The following GABRA5 variants were observed in gnomAD, a reference collection of about 807,000 sequenced individuals.
GABRA5 encodes the protein gamma-aminobutyric acid receptor subunit alpha-5.
Under a neutral mutation model 47.3 loss-of-function variants are expected in GABRA5, and 18 were observed. That is an observed-to-expected ratio of 0.38 (90% CI 0.26 to 0.56). The LOEUF (loss-of-function observed/expected upper bound fraction) is 0.56. GABRA5 is among the 20% of genes least tolerant of loss of function. The probability of loss-of-function intolerance (pLI) is 0.71; values close to 1 mark genes in which losing one functional copy is unlikely to be tolerated. For synonymous variants in GABRA5, 237 were observed against 229.3 expected (o/e 1.03, Z -0.30); for missense variants, 365 against 599.3 (o/e 0.61, Z 4.08).
At chr15:26,914,283 C>T (rs1051676293) in intron 6 of GABRA5, among the ~76,000 whole-genome samples, 28 of 152,116 alleles carry the variant, frequency 1.8e-4, no homozygotes, top group East Asian at 1.4e-3. Flanking sequence ...AAAATTTGGG[C>T]GTGTAGGAAA....
intron 7 of GABRA5, among the ~76,000 whole-genome samples, chr15:26,923,582 A>T (rs1893890224): frequency 6.6e-6 from 1 of 151,918 alleles, no homozygotes; most frequent in Non-Finnish European, 1.5e-5. Flanking sequence ...TATGATATTT[A>T]TAGGTTTATT....
chr15:26,896,210 A>G (rs1411612968), intron 6 of GABRA5, among the ~76,000 whole-genome samples: 1 of 152,250 alleles, frequency 6.6e-6, no homozygotes, highest in Non-Finnish European at 1.5e-5. Context: ...CCAAAGAAAC[A>G]AACATTTATC....
chr15:26,903,775 C>A (rs575902786), intron 6 of GABRA5, among the ~76,000 whole-genome samples: 1 of 151,800 alleles, frequency 6.6e-6, no homozygotes, highest in Non-Finnish European at 1.5e-5. Context: ...TGTCTGTTCA[C>A]ATGCTTTGCT....
In GABRA5 at chr15:26,867,217, G is replaced by A. The variant is rs1396983447; in HGVS notation, c.-140+106G>A. ...GGAGCTGCAGGGCGGCGGCGGGAGC[G>A]CGGGGCGCAAGAGCCGCTCCGCCGG... is the stretch of plus-strand genomic sequence containing the variant. On this transcript the variant is annotated intron_variant, in intron 1 of 10. Transcript: ENST00000335625. This position sits in a 1 kb window ranked among gnomAD's most constrained non-coding sequence, Gnocchi z 5.9. 6.7e-6 allele frequency: 1 copy of A among 150,354 alleles called. No homozygotes were observed. The highest frequency in any genetic ancestry group is 1.5e-5 in the Non-Finnish European group (1 of 67,266). The allele number at this position is 150,354 out of a possible 1,614,324, so 9.3% of individuals were successfully genotyped here.
chr15:26,892,296 G>C (rs1469773846), intron 6 of GABRA5, among the ~76,000 whole-genome samples: 1 of 152,218 alleles, frequency 6.6e-6, no homozygotes, highest in African/African-American at 2.4e-5. Context: ...GTGGGTAGCC[G>C]GCTGTGAACG....
intron 6 of GABRA5, among the ~76,000 whole-genome samples, chr15:26,901,294 C>G (rs1031674882): frequency 6.6e-6 from 1 of 152,176 alleles, no homozygotes; most frequent in Non-Finnish European, 1.5e-5. Context: ...GAGCAAGTTT[C>G]TCTTGCTCCA....
At chr15:26,895,913 G>A (rs1177522561) in intron 6 of GABRA5, among the ~76,000 whole-genome samples, 2 of 151,922 alleles carry the variant, frequency 1.3e-5, no homozygotes, top group Non-Finnish European at 2.9e-5. Flanking sequence ...TTTAGCTCCT[G>A]TTGGCCATGC....
chr15:26,915,163 A>G (rs1311318111), intron 7 of GABRA5, among the ~76,000 whole-genome samples: 1 of 152,204 alleles, frequency 6.6e-6, no homozygotes, highest in Non-Finnish European at 1.5e-5. Flanking sequence ...GTTTCTCCTC[A>G]GATCTCAACC....
chr15:26,893,414 T>TA (rs1893082499), intron 6 of GABRA5, among the ~76,000 whole-genome samples: 1 of 5,514 alleles, frequency 1.8e-4, no homozygotes, highest in Non-Finnish European at 3.2e-4. Context: ...GTTGTGTGTG[T>TA]TGTGTGTGTA....
At chr15:26,934,263 A>G (rs1284979836) in intron 7 of GABRA5, among the ~76,000 whole-genome samples, 9 of 151,474 alleles carry the variant, frequency 5.9e-5, no homozygotes, top group Admixed American at 1.3e-4. Flanking sequence ...AAAAAAAAAA[A>G]AAAAGAAAGA....
intron 10 of GABRA5, 109 bp from the exon 11 acceptor site, chr15:26,947,825 A>T (rs776613371): frequency 9.1e-6 from 9 of 984,290 alleles, no homozygotes; most frequent in Non-Finnish European, 1.2e-5. Flanking sequence ...GCCCTCTCCC[A>T]GGCTAAACAG....
chr15:26,895,812 C>CAAAAAAAAAAAAAA (rs376170037), intron 6 of GABRA5, among the ~76,000 whole-genome samples: 103 of 123,242 alleles, frequency 8.4e-4, no homozygotes, highest in African/African-American at 3.5e-3. Flanking sequence ...AAGACTCCGT[C>CAAAAAAAAAAAAAA]AAAAAAAAAA....
chr15:26,915,268 G>A (rs770991915), intron 7 of GABRA5, among the ~76,000 whole-genome samples: 72 of 152,160 alleles, frequency 4.7e-4, no homozygotes, highest in Non-Finnish European at 8.4e-4. Context: ...TTTTTATTGT[G>A]CTGTAATCAT....
chr15:26,896,723 G>A (rs1204655492), intron 6 of GABRA5, among the ~76,000 whole-genome samples: 2 of 151,920 alleles, frequency 1.3e-5, no homozygotes, highest in Non-Finnish European at 2.9e-5. Context: ...AGTATATGAA[G>A]GAAAAAAGAA....
At chr15:26,897,803 C>G (rs1359549725) in intron 6 of GABRA5, among the ~76,000 whole-genome samples, 1 of 152,076 alleles carries the variant, frequency 6.6e-6, no homozygotes, top group Non-Finnish European at 1.5e-5. Context: ...AGAAGTAGAC[C>G]AGTCAACATC....
At chr15:26,924,466 G>C (rs921686886) in intron 7 of GABRA5, among the ~76,000 whole-genome samples, 1 of 152,158 alleles carries the variant, frequency 6.6e-6, no homozygotes, top group Non-Finnish European at 1.5e-5. Flanking sequence ...CCTCTGACAT[G>C]ACTCCCATAA....
At chr15:26,895,582 G>A (rs997662144) in intron 6 of GABRA5, among the ~76,000 whole-genome samples, 1 of 151,838 alleles carries the variant, frequency 6.6e-6, no homozygotes, top group Admixed American at 6.6e-5. Flanking sequence ...GGTGGCCGAA[G>A]CTGGCGGATC....
At chr15:26,933,009 A>G (rs761798042) in intron 7 of GABRA5, among the ~76,000 whole-genome samples, 21 of 151,860 alleles carry the variant, frequency 1.4e-4, no homozygotes, top group Non-Finnish European at 5.9e-5. Context: ...CTTAATACCT[A>G]GGTGATGGGT....
chr15:26,881,153 C>T (rs1892721318), intron 4 of GABRA5, among the ~76,000 whole-genome samples, 186 bp downstream of exon 4: 1 of 152,122 alleles, frequency 6.6e-6, no homozygotes, highest in Non-Finnish European at 1.5e-5. Flanking sequence ...ACGCAAGATC[C>T]TTTGTTATTT....
Sources: gnomAD v4.1 joint callset for allele counts (sites outside exome capture counted in the v4.1 genomes callset) on GRCh38, gnomAD v4.1.1 for gene constraint, Gnocchi (gnomAD v3.1) non-coding constraint, MANE v1.5 for transcripts, NCBI Gene and HGNC (gene_info 2026-07-23, HGNC 2026-07-21) for gene names.